Variants in PIK3CD observed in about 807,000 individuals in gnomAD.
PIK3CD encodes phosphatidylinositol 4,5-bisphosphate 3-kinase catalytic subunit delta isoform.
A neutral mutation model predicts 122.9 loss-of-function variants in PIK3CD; 20 were observed. The observed-to-expected ratio is 0.16, with a 90% confidence interval of 0.11 to 0.24. PIK3CD has a LOEUF of 0.24. PIK3CD is among the 10% of genes least tolerant of loss of function. The pLI, the probability that PIK3CD is intolerant of heterozygous loss-of-function variation, is 1.00. For missense variants in PIK3CD, 787 were observed against 1,406.3 expected (o/e 0.56, Z 7.04); for synonymous variants, 596 against 593.4 (o/e 1.00, Z -0.06).
At chr1:9,708,320 T>TA (rs1023455096) in intron 2 of PIK3CD, among the ~76,000 whole-genome samples, 1 of 152,036 alleles carries the variant, frequency 6.6e-6, no homozygotes, top group African/African-American at 2.4e-5. Flanking sequence ...TAGCTGGAAT[T>TA]ACAGGCATGA....
chr1:9,684,216 C>T (rs1049736765), intron 1 of PIK3CD, among the ~76,000 whole-genome samples: 1 of 152,120 alleles, frequency 6.6e-6, no homozygotes, highest in African/African-American at 2.4e-5. Flanking sequence ...ACGAGCCACA[C>T]GTGCTTTTTG....
chr1:9,687,906 C>T (rs1047755639), intron 1 of PIK3CD, among the ~76,000 whole-genome samples: 2 of 147,356 alleles, frequency 1.4e-5, no homozygotes, highest in Non-Finnish European at 3.0e-5. Context: ...CCTCTCTTCT[C>T]TCTCCTCCTT....
intron 1 of PIK3CD, among the ~76,000 whole-genome samples, chr1:9,684,275 G>T (rs1456608406): frequency 6.6e-6 from 1 of 152,146 alleles, no homozygotes; most frequent in South Asian, 2.1e-4. Flanking sequence ...AGTGGCTCAC[G>T]CCTGTAATCC....
At chr1:9,706,085 G>A (rs1646821708) in intron 2 of PIK3CD, among the ~76,000 whole-genome samples, 1 of 108,962 alleles carries the variant, frequency 9.2e-6, no homozygotes, top group South Asian at 2.9e-4. Flanking sequence ...GGTAGAGACA[G>A]AGTTTTGCCA....
At chr1:9,699,184 A>G (rs1646529983) in intron 2 of PIK3CD, among the ~76,000 whole-genome samples, 1 of 152,098 alleles carries the variant, frequency 6.6e-6, no homozygotes, top group African/African-American at 2.4e-5. Context: ...TACTCCAGCC[A>G]GGGCGATAGA....
the PIK3CD span, among the ~76,000 whole-genome samples, chr1:9,635,844 C>T: frequency 1.2e-4 from 18 of 152,320 alleles, no homozygotes; most frequent in South Asian, 2.1e-4. Flanking sequence ...CATCCCTGTA[C>T]GGGGCTGCCC....
At position 9,715,353 on chromosome 1, in the gene PIK3CD, A is replaced by G. The variant is rs995748662; in HGVS notation, c.142-188A>G. On this transcript the variant is annotated intron_variant, in intron 3 of 23. Coordinates refer to ENST00000377346, the MANE Select transcript of PIK3CD (RefSeq NM_005026.5). This position sits in a 1 kb window ranked among gnomAD's most constrained non-coding sequence, Gnocchi z 4.1. ...CCAGGTGCCCCCACAGAAGGGCATC[A>G]GTGGAGAAGCCTGTCCACCCATGGT... 2.6e-5 allele frequency among the ~76,000 whole-genome samples: 4 copies of G among 152,184 alleles called. No homozygotes were observed. The highest frequency in any genetic ancestry group is 5.9e-5 in the Non-Finnish European group (4 of 68,026).
In PIK3CD at chr1:9,720,562, C is replaced by G. The variant is rs1036630585; in HGVS notation, c.1471-49C>G. ...CAATGCCCGGCCTGGGGGTCCTGCCCGGGCTGGTCCAGGCCCCTGGGGACG... is the reference window on the plus strand; with the variant it reads ...CAATGCCCGGCCTGGGGGTCCTGCCGGGGCTGGTCCAGGCCCCTGGGGACG... On this transcript the variant is annotated intron_variant, in intron 11 of 23. Coordinates refer to ENST00000377346, the MANE Select transcript of PIK3CD (RefSeq NM_005026.5). This position sits in a 1 kb window ranked among gnomAD's most constrained non-coding sequence, Gnocchi z 9.0. 150 of 1,547,324 alleles carry G rather than the reference C, an allele frequency of 9.7e-5. No individual in the cohort carries two copies. The highest frequency in any genetic ancestry group is 1.3e-4 in the Non-Finnish European group (144 of 1,145,528).
chr1:9,672,369 T>G (rs1427925961), intron 1 of PIK3CD: 1 of 152,088 alleles, frequency 6.6e-6, no homozygotes, highest in African/African-American at 2.4e-5. Context: ...AAAATGTGGA[T>G]TAGTACCAAA....
chr1:9,634,819 A>AT, the PIK3CD span, among the ~76,000 whole-genome samples: 4 of 152,226 alleles, frequency 2.6e-5, no homozygotes, highest in South Asian at 2.1e-4. Context: ...ATTATTTGGG[A>AT]TTTTTTTGTT....
At chr1:9,634,771 T>C in the PIK3CD span, among the ~76,000 whole-genome samples, 1 of 152,232 alleles carries the variant, frequency 6.6e-6, no homozygotes, top group African/African-American at 2.4e-5. Context: ...TGAAAGTAAC[T>C]TGAAACTTAA....
At position 9,728,842 on chromosome 1, in the gene PIK3CD, GT is replaced by G. The variant is rs1435926625; in HGVS notation, c.*1798del. 6.6e-6 allele frequency: 1 copy of G among 152,182 alleles called. No homozygotes were observed. The highest frequency in any genetic ancestry group is 2.4e-5 in the African/African-American group (1 of 41,434). The allele number at this position is 152,182 out of a possible 1,614,324, so 9.4% of individuals were successfully genotyped here. On this transcript the variant is annotated 3_prime_UTR_variant, in exon 24 of 24. Transcript: ENST00000377346. Reference sequence around the variant, plus strand: ...GTTTCTGTCTGGGGAAGGCAAGTTAGTTAAGTATCACTGATGTGGGTTGAGA... The same window carrying G: ...GTTTCTGTCTGGGGAAGGCAAGTTAGTAAGTATCACTGATGTGGGTTGAGA...
At position 9,717,065 on chromosome 1, in the gene PIK3CD, T is replaced by G. The variant is rs1200911257; in HGVS notation, c.887T>G (p.Val296Gly). 6.2e-7 allele frequency: 1 copy of G among 1,613,772 alleles called. No homozygotes were observed. Among genetic ancestry groups the G allele is most frequent in the African/African-American group, 1.3e-5 (1 of 74,918 alleles). ...GAGCAGAGCAACCCTGCCCCCCAGG[T>G]CCAGAAACCGCGTGCCAAACCACCT... ...RDEQSNPAPQ[V>G]QKPRAKPPPI... Residue 296 changes from valine to glycine, a missense_variant, in exon 7 of 24, where the codon GTC becomes GGC. This residue lies in a region of PIK3CD where 592 missense variants were observed against 920.6 expected (regional missense o/e 0.64). Coordinates refer to ENST00000377346, the MANE Select transcript of PIK3CD (RefSeq NM_005026.5). This position sits in a 1 kb window ranked among gnomAD's most constrained non-coding sequence, Gnocchi z 5.4.
At position 9,720,008 on chromosome 1, in the gene PIK3CD, T is replaced by G. The variant is rs1238600891; in HGVS notation, c.1330T>G (p.Ser444Ala). ...TGERCLYMWP[S>A]VPDEKGELLN... The stretch of plus-strand genomic sequence containing the variant: ...GGAACGCTGCCTCTACATGTGGCCC[T>G]CCGTCCCAGGTCGGCCCAGGCCCAG... The change falls in exon 10 of 24, where the codon TCC becomes GCC. Residue 444 changes from serine (S) to alanine (A), a missense_variant. Ser to Ala is a moderately conservative substitution (Grantham distance 99, BLOSUM62 1). This residue lies in a region of PIK3CD where 592 missense variants were observed against 920.6 expected (regional missense o/e 0.64). Coordinates refer to ENST00000377346, the MANE Select transcript of PIK3CD (RefSeq NM_005026.5). This position sits in a 1 kb window ranked among gnomAD's most constrained non-coding sequence, Gnocchi z 9.0. The G allele has an allele frequency of 6.2e-7, 1 of 1,613,566 alleles. No individual in the cohort carries two copies. Among genetic ancestry groups the G allele is most frequent in the South Asian group, 1.1e-5 (1 of 91,076 alleles).
chr1:9,644,989 C>T, the PIK3CD span, among the ~76,000 whole-genome samples: 1 of 150,908 alleles, frequency 6.6e-6, no homozygotes, highest in Non-Finnish European at 1.5e-5. Context: ...TTGCCCAGAT[C>T]TCCAGGCCTA....
In PIK3CD at chr1:9,717,275, G is replaced by A. The variant is rs967530224; in HGVS notation, c.930+167G>A. ...CCAGCGTCCTGGGCTGGGGGCCTGTGGGACTGCCGTGGGTGGGGGGCAGCC... is the reference window on the plus strand; with the variant it reads ...CCAGCGTCCTGGGCTGGGGGCCTGTAGGACTGCCGTGGGTGGGGGGCAGCC... On this transcript the variant is annotated intron_variant, in intron 7 of 23. Coordinates refer to ENST00000377346, the MANE Select transcript of PIK3CD (RefSeq NM_005026.5). This position sits in a 1 kb window ranked among gnomAD's most constrained non-coding sequence, Gnocchi z 5.4. Among the ~76,000 whole-genome samples, 2 of 152,246 alleles carry A rather than the reference G, an allele frequency of 1.3e-5. No homozygotes were observed. The highest frequency in any genetic ancestry group is 4.8e-5 in the African/African-American group (2 of 41,474).
chr1:9,630,255 C>T, the PIK3CD span, among the ~76,000 whole-genome samples: 3 of 152,238 alleles, frequency 2.0e-5, no homozygotes, highest in African/African-American at 7.2e-5. Context: ...CCCCGGAGGC[C>T]GTCAGGCCTT....
chr1:9,633,741 AAT>A, the PIK3CD span, among the ~76,000 whole-genome samples: 1 of 152,196 alleles, frequency 6.6e-6, no homozygotes, highest in East Asian at 1.9e-4. Flanking sequence ...GAAAAGAGGA[AAT>A]CATCGTCTGG....
intron 23 of PIK3CD, 70 bp downstream of exon 23, chr1:9,725,006 G>T (rs1649287449): frequency 1.3e-6 from 2 of 1,583,120 alleles, no homozygotes; most frequent in Admixed American, 1.7e-5. Context: ...ATGTGACCTA[G>T]GAGGGCCCTG....
Sources: allele counts gnomAD v4.1 joint callset (sites outside exome capture counted in the v4.1 genomes callset), GRCh38; gene constraint gnomAD v4.1.1; regional missense constraint gnomAD v4.1.1; non-coding constraint Gnocchi (gnomAD v3.1); transcripts MANE v1.5; gene names NCBI Gene and HGNC (gene_info 2026-07-23, HGNC 2026-07-21).